Variants in PCDHGA6 observed in about 807,000 individuals in gnomAD.
PCDHGA6 encodes the protein protocadherin gamma-A6.
In PCDHGA6, 41 loss-of-function variants were observed where a neutral mutation model predicts 60.6. The ratio of observed to expected loss-of-function variants is 0.68; its 90% confidence interval spans 0.53 to 0.88. PCDHGA6 has a LOEUF of 0.88. Among genes scored for constraint, PCDHGA6 ranks in the 40% least tolerant of loss-of-function variants. The pLI is 0.00. For synonymous variants in PCDHGA6, 594 were observed against 524.4 expected, an observed-to-expected ratio of 1.13 and a Z score of -1.81; for missense variants, 1,312 against 1,203.0, an observed-to-expected ratio of 1.09 and a Z score of -1.34.
Position 141,491,670 on chromosome 5 carries a change from C to T in PCDHGA6, c.2425-3137C>T. The T allele has an allele frequency of 2.5e-6, 4 of 1,613,768 alleles. No individual in the cohort carries two copies. Among genetic ancestry groups the T allele is most frequent in the South Asian group, 1.1e-5 (1 of 91,082 alleles). On this transcript the variant is annotated intron_variant, in intron 1 of 3. Coordinates refer to ENST00000517434, the MANE Select transcript of PCDHGA6 (RefSeq NM_018919.3). The surrounding 1 kb of genome is among the most constrained non-coding windows in gnomAD (Gnocchi z 6.9). ...CGCTGGAGCCTGACGCCATCCGGTC[C>T]CGCTCTAATACGCTGCGGGAGCGGA...
At chr5:141,408,274 G>T (rs773254664) in intron 1 of PCDHGA6, 2 of 1,611,590 alleles carry the variant, frequency 1.2e-6, no homozygotes, top group Non-Finnish European at 1.7e-6. Flanking sequence ...TGCTGCCTTT[G>T]TTCTACCCCA....
At chr5:141,499,908 G>T (rs903753761) in intron 2 of PCDHGA6, among the ~76,000 whole-genome samples, 1 of 151,980 alleles carries the variant, frequency 6.6e-6, no homozygotes, top group African/African-American at 2.4e-5. Flanking sequence ...GGCTGGTCTT[G>T]AACTCCTGGC....
chr5:141,481,868 C>A (rs983373194), intron 1 of PCDHGA6, among the ~76,000 whole-genome samples: 4 of 147,412 alleles, frequency 2.7e-5, no homozygotes, highest in African/African-American at 1.0e-4. Flanking sequence ...GAGCCGAGAT[C>A]GCGCCACTGC....
At chr5:141,414,099 A>C in intron 1 of PCDHGA6, 3 of 1,593,504 alleles carry the variant, frequency 1.9e-6, no homozygotes, top group Non-Finnish European at 8.5e-7. Flanking sequence ...TAAAAATATC[A>C]GAAAATCTAG....
intron 1 of PCDHGA6, among the ~76,000 whole-genome samples, chr5:141,488,534 A>C (rs1169478867): frequency 1.3e-5 from 2 of 152,292 alleles, no homozygotes; most frequent in East Asian, 3.9e-4. Flanking sequence ...AGAAAAGCTA[A>C]GTCCCATGTC....
chr5:141,375,058 A>G lies in PCDHGA6; in HGVS notation c.975A>G (p.Pro325=), dbSNP rs1346702145. ...YELGVEARDG[P]GLRDRAKVLI... The stretch of plus-strand genomic sequence containing the variant: ...TGGGTGTTGAAGCCCGGGATGGGCC[A>G]GGTCTTCGAGACAGAGCGAAAGTCT... The change falls in exon 1 of 4, where the codon CCA becomes CCG. Residue 325 remains proline (P), a synonymous_variant. Coordinates refer to ENST00000517434, the MANE Select transcript of PCDHGA6 (RefSeq NM_018919.3). 1 of 1,613,948 alleles carries G rather than the reference A, an allele frequency of 6.2e-7. No individual in the cohort carries two copies. The highest frequency in any genetic ancestry group is 8.5e-7 in the Non-Finnish European group (1 of 1,179,908).
chr5:141,486,671 C>T lies in PCDHGA6; in HGVS notation c.2425-8136C>T, dbSNP rs1307620045. The T allele has an allele frequency of 1.9e-6, 3 of 1,613,926 alleles. No homozygotes were observed. Among genetic ancestry groups the T allele is most frequent in the South Asian group, 1.1e-5 (1 of 91,078 alleles). On this transcript the variant is annotated intron_variant, in intron 1 of 3. Coordinates refer to ENST00000517434, the MANE Select transcript of PCDHGA6 (RefSeq NM_018919.3). This position sits in a 1 kb window ranked among gnomAD's most constrained non-coding sequence, Gnocchi z 5.0. Reference sequence around the variant, plus strand: ...CTACTCACTCCTGGAGCCCAGGAATCGAGATGTATCAGCTTCCTCTTTCAT... The same window carrying T: ...CTACTCACTCCTGGAGCCCAGGAATTGAGATGTATCAGCTTCCTCTTTCAT...
chr5:141,383,564 G>T (rs767546411), intron 1 of PCDHGA6: 1 of 1,613,046 alleles, frequency 6.2e-7, no homozygotes, highest in South Asian at 1.1e-5. Flanking sequence ...GACCCGCCCC[G>T]ATCCAGCACC....
Position 141,486,107 on chromosome 5 carries a change from A to T in PCDHGA6, c.2425-8700A>T, listed in dbSNP as rs758269750. ...TCTTTTGGGGCCCCTAGACTTTGAG[A>T]GTGAGAATTACTATGAATTTGATGT... is the stretch of plus-strand genomic sequence containing the variant. On this transcript the variant is annotated intron_variant, in intron 1 of 3. Transcript: ENST00000517434. The surrounding 1 kb of genome is among the most constrained non-coding windows in gnomAD (Gnocchi z 5.0). The T allele has an allele frequency of 6.2e-7, 1 of 1,614,102 alleles. No individual in the cohort carries two copies. Among genetic ancestry groups the T allele is most frequent in the South Asian group, 1.1e-5 (1 of 91,080 alleles).
At chr5:141,451,484 G>A (rs2098717067) in intron 1 of PCDHGA6, among the ~76,000 whole-genome samples, 1 of 152,194 alleles carries the variant, frequency 6.6e-6, no homozygotes, top group Admixed American at 6.5e-5. Flanking sequence ...CTTGCCATGT[G>A]GACCTCCATA....
chr5:141,409,750 G>T, intron 1 of PCDHGA6: 1 of 1,613,016 alleles, frequency 6.2e-7, no homozygotes, highest in South Asian at 1.1e-5. Context: ...TGGTGTTCGC[G>T]CAGCGCGCCT....
chr5:141,437,223 C>G (rs555637738), intron 1 of PCDHGA6, among the ~76,000 whole-genome samples: 1 of 152,198 alleles, frequency 6.6e-6, no homozygotes, highest in Admixed American at 6.5e-5. Context: ...TGATTCCAGT[C>G]ATAAAATTAT....
intron 1 of PCDHGA6, chr5:141,383,629 C>T (rs769030453): frequency 6.2e-7 from 1 of 1,613,960 alleles, no homozygotes; most frequent in South Asian, 1.1e-5. Context: ...TGTCTTCTCT[C>T]TGCCTCAGTA....
intron 1 of PCDHGA6, chr5:141,426,204 T>C (rs10046053): frequency 0.11 from 17,599 of 155,696 alleles, 1,197 homozygotes; most frequent in African/African-American, 0.19. Flanking sequence ...TTGAGTTTTC[T>C]ATGTATGGAA....
At chr5:141,384,518 C>T (rs1479729851) in intron 1 of PCDHGA6, 7 of 1,614,192 alleles carry the variant, frequency 4.3e-6, no homozygotes, top group East Asian at 4.5e-5. Flanking sequence ...AGCGGGGACC[C>T]GCCTCTCAGC....
chr5:141,421,054 A>C, intron 1 of PCDHGA6: 2 of 571,978 alleles, frequency 3.5e-6, no homozygotes, highest in Non-Finnish European at 6.0e-6. Context: ...CGCCTCTACC[A>C]CACAAAGCGG....
chr5:141,485,358 G>A lies in PCDHGA6; in HGVS notation c.2425-9449G>A, dbSNP rs372994272. The A allele has an allele frequency of 1.2e-6, 2 of 1,614,100 alleles. No homozygotes were observed. Among genetic ancestry groups the A allele is most frequent in the Admixed American group, 3.3e-5 (2 of 60,002 alleles). ...CTGGATACGGACAGTCTGTCAGCTC[G>A]CAGGCTGCAGGTCGCTGGAGAGGTG... is the stretch of plus-strand genomic sequence containing the variant. On this transcript the variant is annotated intron_variant, in intron 1 of 3. Transcript: ENST00000517434. This position sits in a 1 kb window ranked among gnomAD's most constrained non-coding sequence, Gnocchi z 5.7.
At chr5:141,478,735 G>T in intron 1 of PCDHGA6, 1 of 1,535,968 alleles carries the variant, frequency 6.5e-7, no homozygotes, top group Non-Finnish European at 8.8e-7. Flanking sequence ...AGTGTGGTTT[G>T]TGGTCCCATT....
intron 1 of PCDHGA6, among the ~76,000 whole-genome samples, chr5:141,449,061 A>G (rs1280366583): frequency 1.3e-5 from 2 of 152,190 alleles, no homozygotes; most frequent in Non-Finnish European, 2.9e-5. Context: ...AATGAGCGCT[A>G]TTGAATAGCC....
Sources: allele counts gnomAD v4.1 joint callset (sites outside exome capture counted in the v4.1 genomes callset), GRCh38; gene constraint gnomAD v4.1.1; non-coding constraint Gnocchi (gnomAD v3.1); transcripts MANE v1.5; gene names NCBI Gene and HGNC (gene_info 2026-07-23, HGNC 2026-07-21).